The following RBM46 variants were observed in gnomAD, a reference collection of about 807,000 sequenced individuals.
The protein encoded by RBM46 is probable RNA-binding protein 46.
RBM46 carries 12 observed loss-of-function variants against 43.3 expected under a neutral mutation model. The ratio of observed to expected loss-of-function variants is 0.28; its 90% CI spans 0.18 to 0.45. The LOEUF (loss-of-function observed/expected upper bound fraction) is 0.45. Ranked by LOEUF, RBM46 falls within the 20% of genes least tolerant of loss-of-function variation. The pLI, the probability that RBM46 is intolerant of heterozygous loss-of-function variation, is 1.00. For synonymous variants in RBM46, 205 were observed against 207.6 expected, an observed-to-expected ratio of 0.99 and a Z score of 0.11; for missense variants, 412 against 639.1, an observed-to-expected ratio of 0.64 and a Z score of 3.83.
chr4:154,802,792 T>A (rs1734703051), intron 4 of RBM46, among the ~76,000 whole-genome samples: 1 of 152,188 alleles, frequency 6.6e-6, no homozygotes, highest in Non-Finnish European at 1.5e-5. Flanking sequence ...AATTTTTTTT[T>A]AAGAATTTGC....
At chr4:154,793,656 G>T (rs1014896511) in intron 1 of RBM46, among the ~76,000 whole-genome samples, 6 of 152,092 alleles carry the variant, frequency 3.9e-5, no homozygotes, top group Admixed American at 6.5e-5. Flanking sequence ...GTTTTGTTTG[G>T]TCTGTACACT....
chr4:154,821,487 T>C (rs1373048704), intron 4 of RBM46, among the ~76,000 whole-genome samples: 1 of 151,814 alleles, frequency 6.6e-6, no homozygotes, highest in African/African-American at 2.4e-5. Flanking sequence ...GTACTAACTT[T>C]CCAAATAGCT....
At chr4:154,805,534 T>C (rs12642836) in intron 4 of RBM46, among the ~76,000 whole-genome samples, 34,081 of 151,912 alleles carry the variant, frequency 0.22, 4,258 homozygotes, top group Middle Eastern at 0.31. Flanking sequence ...GCTTATCCTT[T>C]TTTTCAAATG....
At chr4:154,814,874 T>C (rs1008025957) in intron 4 of RBM46, among the ~76,000 whole-genome samples, 1 of 151,600 alleles carries the variant, frequency 6.6e-6, no homozygotes, top group African/African-American at 2.4e-5. Context: ...GCTATAACAT[T>C]ACATACAAAC....
Position 154,806,705 on chromosome 4 carries a change from A to G in RBM46, c.1402+7141A>G, listed in dbSNP as rs113041443. Among the ~76,000 whole-genome samples the G allele has an allele frequency of 3.7e-3, 569 of 152,022 alleles. 5 individuals are homozygous for G. The highest frequency in any genetic ancestry group is 0.013 in the African/African-American group (547 of 41,570). On this transcript the variant is annotated intron_variant, in intron 4 of 4. Coordinates refer to ENST00000281722, the MANE Select transcript of RBM46 (RefSeq NM_144979.5). ...GTCAGTCAACTGTTTTATTTGCATA[A>G]TGACAACTAATTGTTTTTCAGTTAT...
chr4:154,804,065 C>T (rs149967180), intron 4 of RBM46, among the ~76,000 whole-genome samples: 2 of 152,278 alleles, frequency 1.3e-5, no homozygotes, highest in East Asian at 3.9e-4. Flanking sequence ...GCCTCTGCTT[C>T]GCCCTCAGCC....
At chr4:154,827,773 G>T in intron 4 of RBM46, 95 bp from the exon 5 acceptor site, 2 of 1,574,336 alleles carry the variant, frequency 1.3e-6, no homozygotes. Flanking sequence ...AGAACATTAT[G>T]TTAAAATGTG....
At chr4:154,794,322 A>G (rs980624711) in intron 1 of RBM46, among the ~76,000 whole-genome samples, 1 of 151,636 alleles carries the variant, frequency 6.6e-6, no homozygotes, top group Non-Finnish European at 1.5e-5. Context: ...CTGGGACTAC[A>G]GGCACCCGCC....
At chr4:154,820,635 T>C (rs1217160601) in intron 4 of RBM46, among the ~76,000 whole-genome samples, 1 of 151,892 alleles carries the variant, frequency 6.6e-6, no homozygotes, top group African/African-American at 2.4e-5. Flanking sequence ...ACATTTAACA[T>C]GCTAGTATAC....
In RBM46 at chr4:154,797,874, T is replaced by C. The variant is rs1002281030; in HGVS notation, c.215T>C (p.Met72Thr). 76 of 1,589,840 alleles carry C rather than the reference T, an allele frequency of 4.8e-5. No homozygotes were observed. Among genetic ancestry groups the C allele is most frequent in the Non-Finnish European group, 6.3e-5 (74 of 1,170,356 alleles). ...EVFVGKIPRD[M>T]YEDELVPVFE... is the part of the protein sequence containing the mutation. The stretch of plus-strand genomic sequence containing the variant: ...TTTGTAGGAAAAATACCTCGTGATA[T>C]GTATGAAGATGAGTTAGTTCCTGTA... Residue 72 changes from methionine to threonine, a missense_variant, in exon 3 of 5, where the codon ATG becomes ACG. Physicochemically the swap from Met to Thr is moderately conservative, Grantham distance 81. Transcript: ENST00000281722.
chr4:154,803,654 C>A (rs1408853887), intron 4 of RBM46, among the ~76,000 whole-genome samples: 1 of 118,104 alleles, frequency 8.5e-6, no homozygotes, highest in Non-Finnish European at 1.6e-5. Flanking sequence ...AGTGAGCCGA[C>A]ATCAAGCCAC....
intron 1 of RBM46, among the ~76,000 whole-genome samples, chr4:154,782,158 A>G (rs1231398270): frequency 6.6e-6 from 1 of 152,226 alleles, no homozygotes; most frequent in Non-Finnish European, 1.5e-5. Flanking sequence ...CACGGACGGC[A>G]GCACACGTCG....
chr4:154,804,019 G>A (rs1000540584), intron 4 of RBM46, among the ~76,000 whole-genome samples: 2 of 152,116 alleles, frequency 1.3e-5, no homozygotes, highest in South Asian at 2.1e-4. Context: ...TCTTGCTTTC[G>A]CTGTCTTGCT....
intron 4 of RBM46, among the ~76,000 whole-genome samples, chr4:154,805,191 C>T (rs755692568): frequency 2.0e-4 from 31 of 152,062 alleles, no homozygotes; most frequent in Non-Finnish European, 2.5e-4. Context: ...AAGATGTAAA[C>T]ATTAGTTAAT....
At chr4:154,821,444 T>C (rs904198880) in intron 4 of RBM46, among the ~76,000 whole-genome samples, 6 of 151,820 alleles carry the variant, frequency 4.0e-5, no homozygotes, top group South Asian at 2.1e-4. Context: ...GCAGCTCTGA[T>C]TGTAATTTTT....
At chr4:154,802,091 G>T (rs980902943) in intron 4 of RBM46, among the ~76,000 whole-genome samples, 3 of 152,148 alleles carry the variant, frequency 2.0e-5, no homozygotes, top group African/African-American at 7.2e-5. Context: ...TAAACAAAAA[G>T]ATTAAACAAA....
intron 4 of RBM46, among the ~76,000 whole-genome samples, chr4:154,806,192 A>G (rs1433129847): frequency 1.3e-5 from 2 of 151,774 alleles, no homozygotes; most frequent in Admixed American, 1.3e-4. Context: ...AGCATTACTT[A>G]TAATTCTCAT....
chr4:154,817,331 C>CTTTTTT (rs58860836), intron 4 of RBM46, among the ~76,000 whole-genome samples: 36 of 126,374 alleles, frequency 2.8e-4, no homozygotes, highest in Non-Finnish European at 4.6e-4. Context: ...TTTTCTCTTT[C>CTTTTTT]TTTTTTTTTT....
At chr4:154,815,660 T>A (rs1274288751) in intron 4 of RBM46, among the ~76,000 whole-genome samples, 1 of 152,010 alleles carries the variant, frequency 6.6e-6, no homozygotes, top group Admixed American at 6.6e-5. Context: ...GTTTGTCTGT[T>A]TTTTATTTTA....
Sources: gnomAD v4.1 joint callset for allele counts (sites outside exome capture counted in the v4.1 genomes callset) on GRCh38, gnomAD v4.1.1 for gene constraint, MANE v1.5 for transcripts, NCBI Gene and HGNC (gene_info 2026-07-23, HGNC 2026-07-21) for gene names.